WDR7: variants seen among roughly 807,000 people sequenced by gnomAD.
WDR7 encodes WD repeat domain 7.
In WDR7, 46 loss-of-function variants were observed where a neutral mutation model predicts 169.4. That is an observed-to-expected ratio of 0.27 (90% CI 0.21 to 0.35). The LOEUF (loss-of-function observed/expected upper bound fraction) is 0.35. Ranked by LOEUF, WDR7 falls within the 10% of genes least tolerant of loss-of-function variation. WDR7 has a pLI of 1.00. For synonymous variants in WDR7, 612 were observed against 666.8 expected, an observed-to-expected ratio of 0.92 and a Z score of 1.27; for missense variants, 1,534 against 1,859.3, an observed-to-expected ratio of 0.83 and a Z score of 3.22.
intron 12 of WDR7, among the ~76,000 whole-genome samples, chr18:56,704,655 A>AC (rs2025908379): frequency 6.6e-6 from 1 of 151,938 alleles, no homozygotes; most frequent in African/African-American, 2.4e-5. Context: ...AGGCCAGAAA[A>AC]CTCAGTGCTA....
At chr18:56,731,696 G>A (rs372514837) in intron 14 of WDR7, 99 bp downstream of exon 14, 2 of 1,078,960 alleles carry the variant, frequency 1.9e-6, no homozygotes. Context: ...TTTGAGAAAT[G>A]ACCCTTGAAA....
At chr18:56,728,485 G>C (rs1388499255) in intron 13 of WDR7, among the ~76,000 whole-genome samples, 2 of 152,090 alleles carry the variant, frequency 1.3e-5, no homozygotes, top group Admixed American at 6.5e-5. Flanking sequence ...TCCTCGTGTG[G>C]ATGTGCTTTT....
In WDR7 at chr18:57,020,772, A is replaced by G. The variant is rs2048278074; in HGVS notation, c.4192A>G (p.Thr1398Ala). 6.2e-7 allele frequency: 1 copy of G among 1,614,102 alleles called. No individual in the cohort carries two copies. Among genetic ancestry groups the G allele is most frequent in the African/African-American group, 1.3e-5 (1 of 74,944 alleles). The part of the protein sequence containing the change: ...QTIHGHKGPI[T>A]AVAFAPDGRY... ...AATCCATGGACACAAGGGACCAATC[A>G]CTGCAGTGGCTTTTGCTCCTGATGG... The change falls in exon 27 of 28, where the codon ACT becomes GCT. Residue 1398 changes from threonine to alanine, a missense_variant. Physicochemically the swap from Thr to Ala is moderately conservative, Grantham distance 58. Coordinates refer to ENST00000254442, the MANE Select transcript of WDR7 (RefSeq NM_015285.3).
At chr18:56,833,469 A>AT (rs1359209874) in intron 20 of WDR7, among the ~76,000 whole-genome samples, 2 of 152,180 alleles carry the variant, frequency 1.3e-5, no homozygotes, top group Non-Finnish European at 2.9e-5. Flanking sequence ...TTAAAGTATA[A>AT]TAAAAAAAAT....
At chr18:56,751,295 G>A (rs147779484) in intron 14 of WDR7, among the ~76,000 whole-genome samples, 2,438 of 152,294 alleles carry the variant, frequency 0.016, 25 homozygotes, top group Non-Finnish European at 0.022. Flanking sequence ...AAGCGGGCAT[G>A]TGGGGTTGAC....
chr18:56,687,492 C>T (rs569491098), intron 7 of WDR7, among the ~76,000 whole-genome samples: 2 of 152,216 alleles, frequency 1.3e-5, no homozygotes, highest in Non-Finnish European at 2.9e-5. Context: ...CAAAGCTTGC[C>T]ATGTATTATT....
chr18:56,956,899 T>C (rs566018602), intron 25 of WDR7, among the ~76,000 whole-genome samples: 5 of 152,334 alleles, frequency 3.3e-5, no homozygotes, highest in South Asian at 4.1e-4. Flanking sequence ...TGATACTTTT[T>C]TTCCTCTTAT....
intron 27 of WDR7, among the ~76,000 whole-genome samples, chr18:57,021,132 C>A (rs1309748574): frequency 2.0e-5 from 3 of 152,150 alleles, no homozygotes; most frequent in African/African-American, 4.8e-5. Context: ...CCAGGGGAGC[C>A]TGAGAATAAG....
chr18:56,771,152 C>T (rs1432290501), intron 16 of WDR7, among the ~76,000 whole-genome samples: 1 of 152,072 alleles, frequency 6.6e-6, no homozygotes, highest in African/African-American at 2.4e-5. Flanking sequence ...CCAATACCAC[C>T]AAAACTTTAA....
chr18:56,651,642 CA>C (rs1276021481), intron 1 of WDR7, 66 bp downstream of exon 1: 1 of 152,322 alleles, frequency 6.6e-6, no homozygotes, highest in Non-Finnish European at 1.5e-5. Context: ...CCGTGGAGGT[CA>C]GGGGTCAGGG....
At chr18:56,842,661 A>G (rs1354874133) in intron 20 of WDR7, among the ~76,000 whole-genome samples, 2 of 152,162 alleles carry the variant, frequency 1.3e-5, no homozygotes, top group Admixed American at 1.3e-4. Flanking sequence ...GCTAAATATA[A>G]CATCCTTTTA....
At chr18:56,959,865 C>A (rs1471479927) in intron 25 of WDR7, among the ~76,000 whole-genome samples, 3 of 152,132 alleles carry the variant, frequency 2.0e-5, no homozygotes, top group African/African-American at 7.2e-5. Flanking sequence ...ACAGACCCTA[C>A]ATGGAGGACT....
intron 27 of WDR7, among the ~76,000 whole-genome samples, chr18:57,021,360 G>A (rs1268726453): frequency 6.6e-6 from 1 of 152,202 alleles, no homozygotes; most frequent in Non-Finnish European, 1.5e-5. Flanking sequence ...TCATTTACAC[G>A]AGGCCTTCAC....
chr18:56,996,689 C>G (rs2047903932), intron 26 of WDR7, among the ~76,000 whole-genome samples: 1 of 152,066 alleles, frequency 6.6e-6, no homozygotes, highest in African/African-American at 2.4e-5. Context: ...GTTAGAAGTG[C>G]CCAGAATTAT....
At chr18:56,990,279 C>G (rs2047791998) in intron 26 of WDR7, among the ~76,000 whole-genome samples, 1 of 152,196 alleles carries the variant, frequency 6.6e-6, no homozygotes, top group Admixed American at 6.5e-5. Flanking sequence ...GCAGTAGAAG[C>G]TGCTGCCAGT....
chr18:57,001,362 C>G (rs187199425), intron 26 of WDR7, among the ~76,000 whole-genome samples: 1 of 152,006 alleles, frequency 6.6e-6, no homozygotes, highest in East Asian at 1.9e-4. Flanking sequence ...TGTGGGAGCA[C>G]TGTCGGTTGA....
intron 16 of WDR7, among the ~76,000 whole-genome samples, chr18:56,765,572 C>G (rs2044050257): frequency 6.6e-6 from 1 of 151,854 alleles, no homozygotes. Context: ...CTGCATTTTA[C>G]TTTTATATAT....
chr18:56,909,730 C>T (rs1392818621), intron 21 of WDR7, among the ~76,000 whole-genome samples: 1 of 151,876 alleles, frequency 6.6e-6, no homozygotes, highest in Non-Finnish European at 1.5e-5. Context: ...ATTCTTTCAC[C>T]TTTTATTAAA....
At chr18:56,765,077 A>G (rs2044040258) in intron 16 of WDR7, among the ~76,000 whole-genome samples, 2 of 152,088 alleles carry the variant, frequency 1.3e-5, no homozygotes, top group Admixed American at 6.6e-5. Context: ...ATTTTTGGCT[A>G]CTGTTAACAT....
Sources: gnomAD v4.1 joint callset for allele counts (sites outside exome capture counted in the v4.1 genomes callset) on GRCh38, gnomAD v4.1.1 for gene constraint, MANE v1.5 for transcripts, NCBI Gene and HGNC (gene_info 2026-07-23, HGNC 2026-07-21) for gene names.